The following THEMIS2 variants were observed in gnomAD, a reference collection of about 807,000 sequenced individuals.
THEMIS2 encodes thymocyte selection associated family member 2, also known as protein THEMIS2.
THEMIS2 carries 29 observed loss-of-function variants against 46.8 expected under a neutral mutation model. The observed-to-expected ratio is 0.62, with a 90% CI of 0.46 to 0.84. The LOEUF (loss-of-function observed/expected upper bound fraction) is 0.84, where lower values mean the gene tolerates loss of function less well. Ranked by LOEUF, THEMIS2 falls within the 40% of genes least tolerant of loss-of-function variation. The pLI, the probability that THEMIS2 is intolerant of heterozygous loss-of-function variation, is 0.00. For missense variants in THEMIS2, 698 were observed against 834.7 expected (o/e 0.84, Z 2.02); for synonymous variants, 335 against 349.1 (o/e 0.96, Z 0.45).
At chr1:27,883,315 G>C in intron 4 of THEMIS2, 2 of 473,388 alleles carry the variant, frequency 4.2e-6, no homozygotes, top group Non-Finnish European at 7.6e-6. Context: ...CTTGGCCATG[G>C]ACAGTCTAAC....
chr1:27,885,237 A>G (rs1344293686), intron 4 of THEMIS2, 58 bp from the exon 5 acceptor site: 6 of 1,581,236 alleles, frequency 3.8e-6, no homozygotes, highest in South Asian at 1.1e-5. Flanking sequence ...ACCGTTTTTC[A>G]TGGACTCTGC....
chr1:27,886,150 C>T lies in THEMIS2; in HGVS notation c.*228C>T. The T allele has an allele frequency of 1.8e-6, 1 of 548,474 alleles. No individual in the cohort carries two copies. The highest frequency in any genetic ancestry group is 3.2e-5 in the Admixed American group (1 of 31,626). 34.0% of individuals were successfully genotyped at this position (548,474 alleles called of 1,614,324 possible). ...TGGACCTAACATCTCGCACGTGACT[C>T]CCTCAGCCTCAGAGCCTTGGGATGC... On this transcript the variant is annotated 3_prime_UTR_variant, in exon 6 of 6. Transcript: ENST00000373921.
chr1:27,876,539 C>T (rs753209297), intron 1 of THEMIS2, 49 bp from the exon 2 acceptor site: 10 of 1,596,134 alleles, frequency 6.3e-6, no homozygotes, highest in Non-Finnish European at 8.6e-6. Flanking sequence ...ACAGGCTGCC[C>T]AGCACTTGGC....
In THEMIS2 at chr1:27,876,529, A is replaced by G. The variant is rs112947097; in HGVS notation, c.95-59A>G. On this transcript the variant is annotated intron_variant, in intron 1 of 5. Coordinates refer to ENST00000373921, the MANE Select transcript of THEMIS2 (RefSeq NM_001105556.3). ...AGCAGAGCTTGTTGGGCACCAGGGC[A>G]CAGGCTGCCCAGCACTTGGCCCTTG... The G allele has an allele frequency of 9.2e-5, 146 of 1,583,626 alleles. No homozygotes were observed. The African/African-American group carries it at 1.9e-3, about 21-fold the overall frequency.
chr1:27,881,431 A>G (rs574322149), intron 3 of THEMIS2, among the ~76,000 whole-genome samples: 1 of 152,036 alleles, frequency 6.6e-6, no homozygotes, highest in Admixed American at 6.5e-5. Flanking sequence ...AGCCTGAGCG[A>G]CAAGAGCGAG....
rs774954578 is a variant in THEMIS2 at position 27,876,622 on chromosome 1, C to A, written c.129C>A (p.Cys43Ter). Reference protein sequence around the residue: ...SIYEISGNECCLSTGDLIKVT... With the variant: ...SIYEISGNEC The stretch of plus-strand genomic sequence containing the variant: ...ATGAGATCTCTGGGAATGAGTGCTG[C>A]CTCTCCACGGGGGACCTGATCAAGG... Residue 43 changes from cysteine (C) to a stop codon, truncating the protein, a stop_gained, in exon 2 of 6, where the codon TGC becomes TGA. Transcript: ENST00000373921. LOFTEE classifies it high-confidence loss of function. The A allele has an allele frequency of 6.2e-7, 1 of 1,614,006 alleles. No homozygotes were observed. Among genetic ancestry groups the A allele is most frequent in the Non-Finnish European group, 8.5e-7 (1 of 1,179,980 alleles).
Position 27,882,928 on chromosome 1 carries a change from T to C in THEMIS2, c.1604T>C (p.Phe535Ser). The C allele has an allele frequency of 6.2e-7, 1 of 1,613,652 alleles. No homozygotes were observed. Among genetic ancestry groups the C allele is most frequent in the Non-Finnish European group, 8.5e-7 (1 of 1,179,902 alleles). The part of the protein sequence containing the change: ...IATVEELTDT[F>S]YYRLRKLPAC... The stretch of plus-strand genomic sequence containing the variant: ...ACAGTGGAGGAGCTGACAGACACCT[T>C]CTATTATCGTCTTCGGAAGTTACCA... The change falls in exon 4 of 6, where the codon TTC (phenylalanine) becomes TCC (serine). Residue 535 changes from phenylalanine to serine, a missense_variant. Coordinates refer to ENST00000373921, the MANE Select transcript of THEMIS2 (RefSeq NM_001105556.3). The surrounding 1 kb of genome is among the most constrained non-coding windows in gnomAD (Gnocchi z 7.6).
In THEMIS2 at chr1:27,882,240, A is replaced by T; in HGVS notation, c.916A>T (p.Lys306Ter). 1 of 1,608,044 alleles carries T rather than the reference A, an allele frequency of 6.2e-7. No individual in the cohort carries two copies. Among genetic ancestry groups the T allele is most frequent in the Non-Finnish European group, 8.5e-7 (1 of 1,176,218 alleles). ...SPPWRVLASS[K>*]GRKVPRHFLV... is the part of the protein sequence containing the mutation. ...ACCCTGGCGGGTCCTGGCCTCAAGCAAGGGCCGCAAGGTGCCCAGGCACTT... is the reference window on the plus strand; with the variant it reads ...ACCCTGGCGGGTCCTGGCCTCAAGCTAGGGCCGCAAGGTGCCCAGGCACTT... The change falls in exon 4 of 6, where the codon AAG (lysine) becomes TAG (stop). Residue 306 changes from lysine (K) to a stop codon, truncating the protein, a stop_gained. Transcript: ENST00000373921. LOFTEE classifies it high-confidence loss of function. The surrounding 1 kb of genome is among the most constrained non-coding windows in gnomAD (Gnocchi z 7.6).
chr1:27,874,907 C>T (rs115895293), intron 1 of THEMIS2, among the ~76,000 whole-genome samples: 2,696 of 152,200 alleles, frequency 0.018, 72 homozygotes, highest in African/African-American at 0.06. Context: ...CCATAACTTC[C>T]AGTTCTGCCT....
rs1157085233 is a variant in THEMIS2 at position 27,876,588 on chromosome 1, G to C, written c.95G>C (p.Gly32Ala). 24 of 1,613,344 alleles carry C rather than the reference G, an allele frequency of 1.5e-5. No individual in the cohort carries two copies. Among genetic ancestry groups the C allele is most frequent in the Non-Finnish European group, 1.9e-5 (23 of 1,179,734 alleles). ...LRVCSGVYFE[G>A]SIYEISGNEC... ...GGAAATGGAGTCCTTGTCTCCGCAGGCTCCATCTATGAGATCTCTGGGAAT... is the reference window on the plus strand; with the variant it reads ...GGAAATGGAGTCCTTGTCTCCGCAGCCTCCATCTATGAGATCTCTGGGAAT... Residue 32 changes from glycine (G) to alanine (A), a missense_variant and splice_region_variant, in exon 2 of 6, where the codon GGC becomes GCC. Physicochemically the swap from Gly to Ala is moderately conservative, Grantham distance 60. Coordinates refer to ENST00000373921, the MANE Select transcript of THEMIS2 (RefSeq NM_001105556.3).
At chr1:27,874,955 C>T (rs2148631335) in intron 1 of THEMIS2, among the ~76,000 whole-genome samples, 3 of 151,944 alleles carry the variant, frequency 2.0e-5, no homozygotes, top group Admixed American at 2.0e-4. Flanking sequence ...TACTCAGCCC[C>T]TGAGAGGCTG....
Position 27,886,156 on chromosome 1 carries a change from G to A in THEMIS2, c.*234G>A, listed in dbSNP as rs781588757. 1.8e-6 allele frequency: 1 copy of A among 541,872 alleles called. No individual in the cohort carries two copies. The highest frequency in any genetic ancestry group is 1.9e-5 in the African/African-American group (1 of 52,622). The allele number at this position is 541,872 out of a possible 1,614,324, so 33.6% of individuals were successfully genotyped here. A position where few individuals can be genotyped will look rare whatever the true frequency, so the allele number is the denominator to read the frequency against. ...TAACATCTCGCACGTGACTCCCTCA[G>A]CCTCAGAGCCTTGGGATGCAGAGCA... On this transcript the variant is annotated 3_prime_UTR_variant, in exon 6 of 6. Transcript: ENST00000373921.
At chr1:27,874,524 G>A (rs990009921) in intron 1 of THEMIS2, among the ~76,000 whole-genome samples, 4 of 149,104 alleles carry the variant, frequency 2.7e-5, no homozygotes, top group Non-Finnish European at 5.9e-5. Context: ...GCTCATGCTT[G>A]TAATCCCAGC....
At position 27,882,613 on chromosome 1, in the gene THEMIS2, T is replaced by C. The variant is rs369466899; in HGVS notation, c.1289T>C (p.Phe430Ser). Residue 430 changes from phenylalanine (F) to serine (S), a missense_variant, in exon 4 of 6, where the codon TTC becomes TCC. Phe to Ser is a radical substitution (Grantham distance 155). Transcript: ENST00000373921. This position sits in a 1 kb window ranked among gnomAD's most constrained non-coding sequence, Gnocchi z 7.6. The part of the protein sequence containing the change: ...VLLPFHFPGS[F>S]VEEMSDSRRY... ...CTGCCCTTCCACTTCCCTGGCAGTTTCGTGGAGGAGATGAGTGACAGCCGG... is the reference window on the plus strand; with the variant it reads ...CTGCCCTTCCACTTCCCTGGCAGTTCCGTGGAGGAGATGAGTGACAGCCGG... 9.3e-6 allele frequency: 15 copies of C among 1,614,112 alleles called. No homozygotes were observed. Among genetic ancestry groups the C allele is most frequent in the Non-Finnish European group, 1.3e-5 (15 of 1,180,014 alleles).
chr1:27,885,680 C>T (rs1316069958), intron 5 of THEMIS2, among the ~76,000 whole-genome samples, 187 bp from the exon 6 acceptor site: 1 of 152,136 alleles, frequency 6.6e-6, no homozygotes, highest in African/African-American at 2.4e-5. Context: ...ACTACCCTCC[C>T]TGCAGCATAC....
chr1:27,874,512 T>C (rs1031630253), intron 1 of THEMIS2, among the ~76,000 whole-genome samples: 3 of 151,810 alleles, frequency 2.0e-5, no homozygotes, highest in Non-Finnish European at 2.9e-5. Flanking sequence ...CAGGGTGTGG[T>C]GGCTCATGCT....
At chr1:27,881,928 C>T in intron 3 of THEMIS2, 43 bp from the exon 4 acceptor site, 1 of 1,533,304 alleles carries the variant, frequency 6.5e-7, no homozygotes, top group Non-Finnish European at 8.9e-7. Flanking sequence ...GGGGGCCACT[C>T]CTGGGGTGGC....
chr1:27,885,602 A>C (rs1243566361), intron 5 of THEMIS2, 151 bp downstream of exon 5: 1 of 1,094,434 alleles, frequency 9.1e-7, no homozygotes. Flanking sequence ...CTCAGGTAGA[A>C]AGGTTCCTAC....
At position 27,882,040 on chromosome 1, in the gene THEMIS2, G is replaced by A. The variant is rs1571588030; in HGVS notation, c.716G>A (p.Arg239Gln). The change falls in exon 4 of 6, where the codon CGG becomes CAG. Residue 239 changes from arginine (R) to glutamine (Q), a missense_variant. Coordinates refer to ENST00000373921, the MANE Select transcript of THEMIS2 (RefSeq NM_001105556.3). This position sits in a 1 kb window ranked among gnomAD's most constrained non-coding sequence, Gnocchi z 7.6. ...VDVEDVTASSRHVHFIKPLLL... is the reference protein window; with the variant it reads ...VDVEDVTASSQHVHFIKPLLL... ...GTGGAGGACGTCACCGCCTCCTCCC[G>A]GCACGTCCACTTTATCAAACCGCTG... 3.1e-6 allele frequency: 5 copies of A among 1,614,006 alleles called. No individual in the cohort carries two copies. Among genetic ancestry groups the A allele is most frequent in the Admixed American group, 1.7e-5 (1 of 60,004 alleles).
Sources: allele counts gnomAD v4.1 joint callset (sites outside exome capture counted in the v4.1 genomes callset), GRCh38; gene constraint gnomAD v4.1.1; non-coding constraint Gnocchi (gnomAD v3.1); transcripts MANE v1.5; gene names NCBI Gene and HGNC (gene_info 2026-07-23, HGNC 2026-07-21).